The following ANK1 variants were observed in gnomAD, a reference collection of about 807,000 sequenced individuals.
ANK1 encodes the protein ankyrin 1.
ANK1 carries 51 observed loss-of-function variants against 210.4 expected under a neutral mutation model. The observed-to-expected ratio is 0.24, with a 90% CI of 0.19 to 0.31. The LOEUF (loss-of-function observed/expected upper bound fraction) is 0.31, where lower values mean the gene tolerates loss of function less well. ANK1 is among the 10% of genes least tolerant of loss of function. The pLI is 1.00. For synonymous variants in ANK1, 967 were observed against 1,025.9 expected (o/e 0.94, Z 1.10); for missense variants, 2,051 against 2,504.4 (o/e 0.82, Z 3.86).
At chr8:41,863,119 G>A (rs1813613461) in intron 1 of ANK1, among the ~76,000 whole-genome samples, 1 of 152,182 alleles carries the variant, frequency 6.6e-6, no homozygotes, top group East Asian at 1.9e-4. Context: ...AGCACTTTGG[G>A]AGGCGGAGGC....
At chr8:41,827,515 C>T (rs1805594804) in intron 1 of ANK1, among the ~76,000 whole-genome samples, 1 of 152,162 alleles carries the variant, frequency 6.6e-6, no homozygotes, top group South Asian at 2.1e-4. Context: ...ATGTAATGGC[C>T]TTTAAAAGGA....
chr8:41,687,186 A>C (rs1030681581), intron 35 of ANK1, among the ~76,000 whole-genome samples: 1 of 152,206 alleles, frequency 6.6e-6, no homozygotes, highest in Non-Finnish European at 1.5e-5. Flanking sequence ...GCTAACAAAA[A>C]ATAAGGAGGG....
At chr8:41,692,900 G>A (rs1819673055) in intron 30 of ANK1, 24 bp from the exon 31 acceptor site, 1 of 1,604,914 alleles carries the variant, frequency 6.2e-7, no homozygotes, top group Non-Finnish European at 8.5e-7. Flanking sequence ...CGAGTTATGT[G>A]TTCCCAAGTG....
intron 1 of ANK1, among the ~76,000 whole-genome samples, chr8:41,790,376 C>T (rs903264105): frequency 1.3e-5 from 2 of 152,058 alleles, no homozygotes; most frequent in Non-Finnish European, 2.9e-5. Flanking sequence ...CGAACTCCTG[C>T]CCTCAGGTGA....
intron 1 of ANK1, among the ~76,000 whole-genome samples, chr8:41,872,590 C>T (rs543734222): frequency 6.6e-5 from 10 of 152,294 alleles, no homozygotes; most frequent in African/African-American, 2.2e-4. Context: ...GCCTTGGAGC[C>T]GTGGGGAGCG....
intron 23 of ANK1, 72 bp downstream of exon 23, chr8:41,699,380 C>G (rs1424536648): frequency 2.8e-6 from 4 of 1,424,384 alleles, no homozygotes; most frequent in Non-Finnish European, 4.0e-6. Context: ...CTTCCTCCCT[C>G]TGGAATCCCT....
At chr8:41,663,577 G>A in intron 40 of ANK1, 82 bp downstream of exon 40, 2 of 1,345,216 alleles carry the variant, frequency 1.5e-6, no homozygotes, top group Non-Finnish European at 2.1e-6. Context: ...GGGCAGCAGG[G>A]AGAAGCCACT....
At position 41,704,397 on chromosome 8, in the gene ANK1, C is replaced by G. The variant is rs1465640101; in HGVS notation, c.2173G>C (p.Ala725Pro). The G allele has an allele frequency of 1.2e-6, 2 of 1,614,034 alleles. No homozygotes were observed. The highest frequency in any genetic ancestry group is 1.7e-6 in the Non-Finnish European group (2 of 1,180,038). The change falls in exon 19 of 43, where the codon GCA (alanine) becomes CCA (proline). Residue 725 changes from alanine to proline, a missense_variant. Physicochemically the swap from Ala to Pro is conservative, Grantham distance 27 (BLOSUM62 -1). Coordinates refer to ENST00000289734, the MANE Select transcript of ANK1 (RefSeq NM_000037.4). The surrounding 1 kb of genome is among the most constrained non-coding windows in gnomAD (Gnocchi z 4.1). The part of the protein sequence containing the change: ...KLVKFLLQHQ[A>P]DVNAKTKLGY... Reference sequence around the variant, plus strand: ...ACCTTGGTCTTGGCATTGACATCTGCCTGGTGCTGCAGCAGAAACTTCACC... The same window carrying G: ...ACCTTGGTCTTGGCATTGACATCTGGCTGGTGCTGCAGCAGAAACTTCACC...
At chr8:41,715,964 C>G in intron 13 of ANK1, 115 bp from the exon 14 acceptor site, 1 of 1,216,448 alleles carries the variant, frequency 8.2e-7, no homozygotes, top group Non-Finnish European at 1.2e-6. Flanking sequence ...TTCTCAAGGT[C>G]ACACAGCTAA....
intron 42 of ANK1, chr8:41,660,576 G>T: frequency 2.2e-6 from 1 of 449,554 alleles, no homozygotes; most frequent in South Asian, 1.6e-5. Context: ...GCTGGAGATG[G>T]TCGCACAGCG....
intron 1 of ANK1, among the ~76,000 whole-genome samples, chr8:41,891,078 T>C (rs1819352803): frequency 6.6e-6 from 1 of 152,100 alleles, no homozygotes; most frequent in Non-Finnish European, 1.5e-5. Flanking sequence ...AGGGGACAGA[T>C]ATGAAAGGTT....
At chr8:41,673,142 C>A (rs1391771070) in intron 37 of ANK1, among the ~76,000 whole-genome samples, 5 of 152,152 alleles carry the variant, frequency 3.3e-5, no homozygotes, top group Non-Finnish European at 7.4e-5. Context: ...TGGGTGGGGG[C>A]AGCCAGGGTG....
intron 1 of ANK1, among the ~76,000 whole-genome samples, chr8:41,816,771 T>C (rs1803416691): frequency 6.6e-6 from 1 of 152,236 alleles, no homozygotes; most frequent in Non-Finnish European, 1.5e-5. Flanking sequence ...TTACATGAAG[T>C]TGAAAAGCAC....
At chr8:41,859,496 A>G (rs1324785485) in intron 1 of ANK1, among the ~76,000 whole-genome samples, 2 of 152,184 alleles carry the variant, frequency 1.3e-5, no homozygotes, top group Non-Finnish European at 2.9e-5. Context: ...ACAGGCACAC[A>G]CAACCACGCC....
intron 16 of ANK1, among the ~76,000 whole-genome samples, chr8:41,711,404 G>A (rs1435393281): frequency 1.3e-5 from 2 of 152,214 alleles, no homozygotes; most frequent in African/African-American, 2.4e-5. Flanking sequence ...CCCTTTCGGA[G>A]TTTAGGCGCA....
At position 41,830,133 on chromosome 8, in the gene ANK1, C is replaced by T. The variant is rs548583164; in HGVS notation, c.126+66222G>A. Among the ~76,000 whole-genome samples the T allele has an allele frequency of 1.0e-3, 158 of 151,500 alleles. 1 individual carries two copies. The highest frequency in any genetic ancestry group is 3.8e-3 in the African/African-American group (155 of 41,254). On this transcript the variant is annotated intron_variant, in intron 1 of 42. Transcript: ENST00000265709. ...AACTAGAAACACCCACTCAGCCACT[C>T]GGGCATACCTTTTATTTGGGCAAGG...
At chr8:41,815,210 T>C (rs1399462170) in intron 1 of ANK1, among the ~76,000 whole-genome samples, 2 of 152,208 alleles carry the variant, frequency 1.3e-5, no homozygotes, top group African/African-American at 4.8e-5. Flanking sequence ...CTCAGTTTTC[T>C]TAAGTAATCA....
chr8:41,827,377 G>A (rs1312649752), intron 1 of ANK1, among the ~76,000 whole-genome samples: 1 of 152,204 alleles, frequency 6.6e-6, no homozygotes, highest in Non-Finnish European at 1.5e-5. Context: ...CACCCACACA[G>A]GACTGCGAGC....
At chr8:41,707,126 A>G (rs1349419000) in intron 17 of ANK1, among the ~76,000 whole-genome samples, 1 of 152,206 alleles carries the variant, frequency 6.6e-6, no homozygotes, top group African/African-American at 2.4e-5. Context: ...AATGTACCAT[A>G]CTGTTATCAC....
Sources: gnomAD v4.1 joint callset for allele counts (sites outside exome capture counted in the v4.1 genomes callset) on GRCh38, gnomAD v4.1.1 for gene constraint, Gnocchi (gnomAD v3.1) non-coding constraint, MANE v1.5 for transcripts, NCBI Gene and HGNC (gene_info 2026-07-23, HGNC 2026-07-21) for gene names.